The following PCDHGA1 variants were observed in gnomAD, a reference collection of about 807,000 sequenced individuals.
The protein encoded by PCDHGA1 is protocadherin gamma-A1.
PCDHGA1 carries 32 observed loss-of-function variants against 58.0 expected under a neutral mutation model. The observed-to-expected ratio is 0.55, with a 90% CI of 0.42 to 0.74. The LOEUF (loss-of-function observed/expected upper bound fraction) is 0.74. Among genes scored for constraint, PCDHGA1 ranks in the 30% least tolerant of loss-of-function variants. PCDHGA1 has a pLI of 0.00. For synonymous variants in PCDHGA1, 498 were observed against 501.1 expected, an observed-to-expected ratio of 0.99 and a Z score of 0.08; for missense variants, 1,205 against 1,182.3, an observed-to-expected ratio of 1.02 and a Z score of -0.28.
intron 1 of PCDHGA1, chr5:141,356,099 A>C (rs769953317): frequency 1.2e-6 from 2 of 1,613,764 alleles, no homozygotes; most frequent in African/African-American, 1.3e-5. Flanking sequence ...CTGAGTGGGG[A>C]TATAACAATA....
chr5:141,351,978 T>A, intron 1 of PCDHGA1: 1 of 1,612,196 alleles, frequency 6.2e-7, no homozygotes, highest in Non-Finnish European at 8.5e-7. Context: ...CTCTTCGATA[T>A]GGTGCCACGC....
chr5:141,474,011 A>T (rs910186122), intron 1 of PCDHGA1, among the ~76,000 whole-genome samples: 2 of 152,112 alleles, frequency 1.3e-5, no homozygotes, highest in Non-Finnish European at 2.9e-5. Flanking sequence ...TGGAAGTTAC[A>T]GTGAGCTATG....
intron 1 of PCDHGA1, chr5:141,383,497 C>A: frequency 6.2e-7 from 1 of 1,612,952 alleles, no homozygotes; most frequent in East Asian, 2.2e-5. Flanking sequence ...GGAGCGGGTG[C>A]TGGACCGGGA....
chr5:141,361,460 TCTC>T, intron 1 of PCDHGA1: 1 of 1,613,974 alleles, frequency 6.2e-7, no homozygotes, highest in East Asian at 2.2e-5. Flanking sequence ...ACCCTGCACA[TCTC>T]CGACGTCAAC....
At position 141,431,555 on chromosome 5, in the gene PCDHGA1, G is replaced by A. The variant is rs2097394199; in HGVS notation, c.2422-63252G>A. On this transcript the variant is annotated intron_variant, in intron 1 of 3. Transcript: ENST00000517417. This position sits in a 1 kb window ranked among gnomAD's most constrained non-coding sequence, Gnocchi z 4.8. The stretch of plus-strand genomic sequence containing the variant: ...GGGCACGCAGCTGCTTGTAGTCAAC[G>A]CTACCGACCCTGACGAAGGAGTCAA... 1 of 1,614,014 alleles carries A rather than the reference G, an allele frequency of 6.2e-7. No individual in the cohort carries two copies. The highest frequency in any genetic ancestry group is 8.5e-7 in the Non-Finnish European group (1 of 1,180,032).
At position 141,486,634 on chromosome 5, in the gene PCDHGA1, T is replaced by C; in HGVS notation, c.2422-8173T>C. 1 of 1,613,762 alleles carries C rather than the reference T, an allele frequency of 6.2e-7. No individual in the cohort carries two copies. The highest frequency in any genetic ancestry group is 8.5e-7 in the Non-Finnish European group (1 of 1,180,044). ...CCTCTGACCCAGACTCTGGCTTGAA[T>C]GCGCTTATCTCCTACTCACTCCTGG... On this transcript the variant is annotated intron_variant, in intron 1 of 3. Coordinates refer to ENST00000517417, the MANE Select transcript of PCDHGA1 (RefSeq NM_018912.3). The surrounding 1 kb of genome is among the most constrained non-coding windows in gnomAD (Gnocchi z 5.0).
At chr5:141,342,564 G>A (rs1036748014) in intron 1 of PCDHGA1, 1 of 152,190 alleles carries the variant, frequency 6.6e-6, no homozygotes, top group Non-Finnish European at 1.5e-5. Context: ...CTGAGACAAG[G>A]TGTTGTTTTG....
Position 141,495,011 on chromosome 5 carries a change from G to A in PCDHGA1, c.2480+146G>A, listed in dbSNP as rs2099758277. On this transcript the variant is annotated intron_variant, in intron 2 of 3. Coordinates refer to ENST00000517417, the MANE Select transcript of PCDHGA1 (RefSeq NM_018912.3). ...CCAGGGAGGTCTTGGTGTGCGGGGG[G>A]CTGGCACACAGACCCCGGAAGGAAG... is the stretch of plus-strand genomic sequence containing the variant. 4.6e-6 allele frequency: 7 copies of A among 1,512,044 alleles called. No individual in the cohort carries two copies. In the East Asian group the frequency reaches 1.5e-4, roughly 32 times the overall value. 93.7% of individuals were successfully genotyped at this position (1,512,044 alleles called of 1,614,324 possible).
Position 141,485,574 on chromosome 5 carries a change from C to T in PCDHGA1, c.2422-9233C>T. 1 of 1,612,568 alleles carries T rather than the reference C, an allele frequency of 6.2e-7. No homozygotes were observed. Among genetic ancestry groups the T allele is most frequent in the Non-Finnish European group, 8.5e-7 (1 of 1,178,752 alleles). On this transcript the variant is annotated intron_variant, in intron 1 of 3. Transcript: ENST00000517417. This position sits in a 1 kb window ranked among gnomAD's most constrained non-coding sequence, Gnocchi z 5.7. ...GTGAATGATCACGCCCCCCGTTTTCCGCGGCAGCAGCTGGACTTGGAAATT... is the reference window on the plus strand; with the variant it reads ...GTGAATGATCACGCCCCCCGTTTTCTGCGGCAGCAGCTGGACTTGGAAATT...
intron 1 of PCDHGA1, chr5:141,383,599 G>A: frequency 1.9e-6 from 3 of 1,613,742 alleles, no homozygotes; most frequent in Non-Finnish European, 2.5e-6. Context: ...GACAGTGGTG[G>A]ATGTGAATGA....
chr5:141,432,191 G>C lies in PCDHGA1; in HGVS notation c.2422-62616G>C. 2.5e-6 allele frequency: 4 copies of C among 1,614,110 alleles called. No individual in the cohort carries two copies. Among genetic ancestry groups the C allele is most frequent in the Non-Finnish European group, 3.4e-6 (4 of 1,180,026 alleles). On this transcript the variant is annotated intron_variant, in intron 1 of 3. Coordinates refer to ENST00000517417, the MANE Select transcript of PCDHGA1 (RefSeq NM_018912.3). The surrounding 1 kb of genome is among the most constrained non-coding windows in gnomAD (Gnocchi z 6.0). ...TTCCCTCGTCTCTGTGACCGCCCAC[G>C]ACCCCGACTGTGAAGAGAACGCCCA... is the stretch of plus-strand genomic sequence containing the variant.
chr5:141,451,789 G>A (rs2098724524), intron 1 of PCDHGA1, among the ~76,000 whole-genome samples: 1 of 152,074 alleles, frequency 6.6e-6, no homozygotes, highest in South Asian at 2.1e-4. Flanking sequence ...GCTGAGGCCA[G>A]AGAATTGCTT....
At chr5:141,335,969 A>G (rs1756591622) in intron 1 of PCDHGA1, among the ~76,000 whole-genome samples, 1 of 152,258 alleles carries the variant, frequency 6.6e-6, no homozygotes, top group Admixed American at 6.5e-5. Context: ...GTAAGTTTAT[A>G]GACAAATGCA....
Position 141,493,858 on chromosome 5 carries a change from C to A in PCDHGA1, c.2422-949C>A, listed in dbSNP as rs2099750481. Among the ~76,000 whole-genome samples, 1 of 152,184 alleles carries A rather than the reference C, an allele frequency of 6.6e-6. No homozygotes were observed. The highest frequency in any genetic ancestry group is 1.5e-5 in the Non-Finnish European group (1 of 68,030). On this transcript the variant is annotated intron_variant, in intron 1 of 3. Transcript: ENST00000517417. The surrounding 1 kb of genome is among the most constrained non-coding windows in gnomAD (Gnocchi z 4.3). ...AGTATGAGTATTAATTACCAGCCCA[C>A]CCCAGAACCAGTGAGGAGGTGGCTC...
chr5:141,485,033 T>C lies in PCDHGA1; in HGVS notation c.2422-9774T>C. 1 of 689,352 alleles carries C rather than the reference T, an allele frequency of 1.5e-6. No homozygotes were observed. The highest frequency in any genetic ancestry group is 2.5e-6 in the Non-Finnish European group (1 of 392,590). The allele number at this position is 689,352 out of a possible 1,614,324, so 42.7% of individuals were successfully genotyped here. On this transcript the variant is annotated intron_variant, in intron 1 of 3. Coordinates refer to ENST00000517417, the MANE Select transcript of PCDHGA1 (RefSeq NM_018912.3). This position sits in a 1 kb window ranked among gnomAD's most constrained non-coding sequence, Gnocchi z 5.7. ...CCCCGCCACCAGCAAAAACGGCGCG[T>C]AACCCTTGCGGCGCCGGCCGAACCG...
intron 1 of PCDHGA1, chr5:141,398,997 G>A: frequency 6.2e-7 from 1 of 1,613,934 alleles, no homozygotes; most frequent in Non-Finnish European, 8.5e-7. Flanking sequence ...TCTTTAGTCT[G>A]AATTCAAAGA....
chr5:141,332,932 C>T lies in PCDHGA1; in HGVS notation c.2248C>T (p.Leu750=), dbSNP rs1561473904. 6.2e-7 allele frequency: 1 copy of T among 1,614,220 alleles called. No individual in the cohort carries two copies. Among genetic ancestry groups the T allele is most frequent in the Non-Finnish European group, 8.5e-7 (1 of 1,180,028 alleles). Residue 750 remains leucine, a synonymous_variant, in exon 1 of 4, where the codon CTG becomes TTG. Coordinates refer to ENST00000517417, the MANE Select transcript of PCDHGA1 (RefSeq NM_018912.3). The surrounding 1 kb of genome is among the most constrained non-coding windows in gnomAD (Gnocchi z 4.6). ...FVGVDGVRAF[L]QTYSHEVSLT... is the part of the protein sequence containing the mutation. Reference sequence around the variant, plus strand: ...GGGCGTGGACGGGGTTCGGGCTTTCCTGCAGACCTATTCCCACGAGGTCTC... The same window carrying T: ...GGGCGTGGACGGGGTTCGGGCTTTCTTGCAGACCTATTCCCACGAGGTCTC...
At position 141,512,523 on chromosome 5, in the gene PCDHGA1, T is replaced by A. The variant is rs1222752176; in HGVS notation, c.*1350T>A. 6.5e-6 allele frequency: 1 copy of A among 152,848 alleles called. No homozygotes were observed. The highest frequency in any genetic ancestry group is 1.5e-5 in the Non-Finnish European group (1 of 68,240). 9.5% of individuals were successfully genotyped at this position (152,848 alleles called of 1,614,324 possible). A position where few individuals can be genotyped will look rare whatever the true frequency, so the allele number is the denominator to read the frequency against. The stretch of plus-strand genomic sequence containing the variant: ...AGTGCGCCCCCTAGTGGCCATAGCC[T>A]GGTTAAAGTTCCCCAGTGCCTCCTT... On this transcript the variant is annotated 3_prime_UTR_variant, in exon 4 of 4. Transcript: ENST00000517417.
intron 1 of PCDHGA1, among the ~76,000 whole-genome samples, chr5:141,449,103 A>G (rs1033077737): frequency 2.0e-5 from 3 of 152,206 alleles, no homozygotes; most frequent in African/African-American, 7.2e-5. Context: ...CATATGCAGT[A>G]TATCTTTGGG....
Sources: gnomAD v4.1 joint callset for allele counts (sites outside exome capture counted in the v4.1 genomes callset) on GRCh38, gnomAD v4.1.1 for gene constraint, Gnocchi (gnomAD v3.1) non-coding constraint, MANE v1.5 for transcripts, NCBI Gene and HGNC (gene_info 2026-07-23, HGNC 2026-07-21) for gene names.